Variants in CKLF observed in about 807,000 individuals in gnomAD.
The protein encoded by CKLF is chemokine like factor, also known as chemokine-like factor.
In CKLF, 16 loss-of-function variants were observed where a neutral mutation model predicts 12.9. The observed-to-expected ratio is 1.24, with a 90% CI of 0.84 to 1.88. The LOEUF is 1.88. Ranked by LOEUF, CKLF falls within the 40% of genes most tolerant of loss-of-function variation. The pLI, the probability that CKLF is intolerant of heterozygous loss-of-function variation, is 0.00. For synonymous variants in CKLF, 61 were observed against 69.0 expected (o/e 0.88, Z 0.57); for missense variants, 172 against 188.5 (o/e 0.91, Z 0.51).
At chr16:66,559,708 TGAGA>T (rs748719817) in intron 2 of CKLF, among the ~76,000 whole-genome samples, 2 of 152,110 alleles carry the variant, frequency 1.3e-5, no homozygotes, top group Non-Finnish European at 2.9e-5. Flanking sequence ...CAGAATACAC[TGAGA>T]GAGAGTAGCT....
chr16:66,555,724 A>G (rs1172714946), intron 1 of CKLF, among the ~76,000 whole-genome samples: 1 of 152,248 alleles, frequency 6.6e-6, no homozygotes. Flanking sequence ...AGAATTTTAA[A>G]TAGATGAAGA....
intron 1 of CKLF, among the ~76,000 whole-genome samples, chr16:66,556,990 C>G (rs1712061304): frequency 6.6e-6 from 1 of 152,094 alleles, no homozygotes; most frequent in African/African-American, 2.4e-5. Context: ...CTATTTTTTT[C>G]ACTTAACATT....
At chr16:66,560,398 G>A (rs1427051059) in intron 2 of CKLF, among the ~76,000 whole-genome samples, 1 of 152,160 alleles carries the variant, frequency 6.6e-6, no homozygotes, top group Non-Finnish European at 1.5e-5. Flanking sequence ...ATGATCAGAT[G>A]ATCAGCCTCC....
chr16:66,564,558 C>T (rs1424170165), intron 3 of CKLF, among the ~76,000 whole-genome samples: 1 of 151,512 alleles, frequency 6.6e-6, no homozygotes, highest in Admixed American at 6.6e-5. Flanking sequence ...GCAAGCTCTG[C>T]CTCCCGGGTT....
chr16:66,554,951 A>G (rs2011363900), intron 1 of CKLF, among the ~76,000 whole-genome samples: 2 of 152,096 alleles, frequency 1.3e-5, no homozygotes. Flanking sequence ...TTAAAAGTAT[A>G]CTAGGCCAGG....
intron 1 of CKLF, among the ~76,000 whole-genome samples, chr16:66,555,953 AG>A (rs2011433217): frequency 6.6e-6 from 1 of 152,086 alleles, no homozygotes; most frequent in African/African-American, 2.4e-5. Context: ...CCACCAGTTG[AG>A]GTTGTGAATC....
In CKLF at chr16:66,564,024, C is replaced by T. The variant is rs2011946067; in HGVS notation, c.333+807C>T. 2.0e-5 allele frequency among the ~76,000 whole-genome samples: 3 copies of T among 152,306 alleles called. 1 individual carries two copies. The South Asian group carries it at 6.2e-4, about 32-fold the overall frequency. Reference sequence around the variant, plus strand: ...ATTTTCATCTCCCTTAGGCCCTGAGCAACTTCATGAGGAGTCAGAATTATT... The same window carrying T: ...ATTTTCATCTCCCTTAGGCCCTGAGTAACTTCATGAGGAGTCAGAATTATT... On this transcript the variant is annotated intron_variant, in intron 3 of 3. Coordinates refer to ENST00000264001, the MANE Select transcript of CKLF (RefSeq NM_016951.4).
At chr16:66,566,256 T>G (rs1412086330), downstream of CKLF, 1 of 1,459,962 alleles carries the variant, frequency 6.8e-7, no homozygotes, top group African/African-American at 1.4e-5. This position sits in a 1 kb window ranked among gnomAD's most constrained non-coding sequence, Gnocchi z 4.9. Flanking sequence ...GATCTTTGAA[T>G]CTCTTTACTG....
chr16:66,558,190 G>A lies in CKLF; in HGVS notation c.79G>A (p.Ala27Thr), dbSNP rs1340813909. The stretch of plus-strand genomic sequence containing the variant: ...TAAATCGTGGGTTTTTTTCTTCTAG[G>A]CACTAACTGTGACATCTATGACCTT... ...VKGHVKMLRLALTVTSMTFFI... is the reference protein window; with the variant it reads ...VKGHVKMLRLTLTVTSMTFFI... Residue 27 changes from alanine (A) to threonine (T), a missense_variant and splice_region_variant, in exon 2 of 4, where the codon GCA (alanine) becomes ACA (threonine). By Grantham distance (58) the Ala-to-Thr change is moderately conservative (BLOSUM62 0). Coordinates refer to ENST00000264001, the MANE Select transcript of CKLF (RefSeq NM_016951.4). 3 of 1,608,250 alleles carry A rather than the reference G, an allele frequency of 1.9e-6. No homozygotes were observed. Among genetic ancestry groups the A allele is most frequent in the Non-Finnish European group, 1.7e-6 (2 of 1,178,804 alleles).
chr16:66,566,255 A>C (rs1332290116), downstream of CKLF: 5 of 1,460,530 alleles, frequency 3.4e-6, no homozygotes, highest in Middle Eastern at 5.0e-4. This position sits in a 1 kb window ranked among gnomAD's most constrained non-coding sequence, Gnocchi z 4.9. Flanking sequence ...GGATCTTTGA[A>C]TCTCTTTACT....
intron 2 of CKLF, among the ~76,000 whole-genome samples, chr16:66,560,408 C>T (rs2011628713): frequency 1.3e-5 from 2 of 151,976 alleles, no homozygotes; most frequent in Non-Finnish European, 1.5e-5. Context: ...GATCAGCCTC[C>T]ATGTCTTGAG....
chr16:66,565,504 T>TATCATTAAAAAA, intron 3 of CKLF: 1 of 187,742 alleles, frequency 5.3e-6, no homozygotes, highest in Non-Finnish European at 1.1e-5. Flanking sequence ...GTAGAGTTTG[T>TATCATTAAAAAA]CAGTAGAGAA....
At chr16:66,561,766 T>G (rs1028060352) in intron 2 of CKLF, among the ~76,000 whole-genome samples, 4 of 152,194 alleles carry the variant, frequency 2.6e-5, no homozygotes, top group African/African-American at 9.7e-5. Context: ...ATAACTGCTT[T>G]TCTAAATTAC....
chr16:66,563,291 G>C, intron 3 of CKLF, 74 bp downstream of exon 3: 1 of 1,551,584 alleles, frequency 6.4e-7, no homozygotes, highest in Non-Finnish European at 8.8e-7. Context: ...ACAGATGTAA[G>C]AATAGAAAGC....
Position 66,565,975 on chromosome 16 carries a change from G to GA in CKLF, c.428dup (p.Pro144AlafsTer4), listed in dbSNP as rs2012255048. 1.9e-6 allele frequency: 3 copies of GA among 1,613,282 alleles called. No homozygotes were observed. Among genetic ancestry groups the GA allele is most frequent in the Non-Finnish European group, 2.5e-6 (3 of 1,179,312 alleles). On this transcript the variant is annotated frameshift_variant, in exon 4 of 4. Transcript: ENST00000264001. LOFTEE classifies it low-confidence loss of function (END_TRUNC). ...TGTTCAATCCCAGCGGTCCTTACCA[G>GA]AAAAAGCCTGTGCATGAAAAAAAAG...
intron 2 of CKLF, among the ~76,000 whole-genome samples, chr16:66,560,437 G>T (rs890512789): frequency 1.3e-5 from 2 of 152,142 alleles, no homozygotes; most frequent in Non-Finnish European, 1.5e-5. Flanking sequence ...GAGAGAGGAA[G>T]AATATGTTTA....
At chr16:66,553,435 G>T (rs16956646) in intron 1 of CKLF, 2 of 152,186 alleles carry the variant, frequency 1.3e-5, no homozygotes, top group African/African-American at 2.4e-5. Context: ...GCTCGTTTCC[G>T]GGAGCAGACT....
At chr16:66,563,987 T>A (rs2011943490) in intron 3 of CKLF, among the ~76,000 whole-genome samples, 1 of 152,222 alleles carries the variant, frequency 6.6e-6, no homozygotes, top group Admixed American at 6.5e-5. Flanking sequence ...GCCATATATG[T>A]CAGAAGCCAT....
chr16:66,565,682 C>A, intron 3 of CKLF: 1 of 580,710 alleles, frequency 1.7e-6, no homozygotes, highest in Non-Finnish European at 3.1e-6. Flanking sequence ...TTTTCTCTTT[C>A]TATAGGCAAG....
Sources: allele counts gnomAD v4.1 joint callset (sites outside exome capture counted in the v4.1 genomes callset), GRCh38; gene constraint gnomAD v4.1.1; non-coding constraint Gnocchi (gnomAD v3.1); transcripts MANE v1.5; gene names NCBI Gene and HGNC (gene_info 2026-07-23, HGNC 2026-07-21).